Variants in TCN2 observed in about 807,000 individuals in gnomAD.
The protein encoded by TCN2 is transcobalamin-2.
TCN2 carries 34 observed loss-of-function variants against 48.6 expected under a neutral mutation model. That is an observed-to-expected ratio of 0.70 (90% CI 0.53 to 0.93). The LOEUF is 0.93. TCN2 is among the 40% of genes least tolerant of loss of function. TCN2 has a pLI of 0.00. For missense variants in TCN2, 652 were observed against 526.1 expected (o/e 1.24, Z -2.34); for synonymous variants, 283 against 212.5 (o/e 1.33, Z -2.89).
At position 30,617,394 on chromosome 22, in the gene TCN2, G is replaced by A. The variant is rs2087627762; in HGVS notation, c.1005G>A (p.Gln335=). The A allele has an allele frequency of 6.2e-6, 10 of 1,614,154 alleles. No homozygotes were observed. Among genetic ancestry groups the A allele is most frequent in the Non-Finnish European group, 8.5e-6 (10 of 1,180,030 alleles). Residue 335 remains glutamine (Q), a synonymous_variant, in exon 7 of 9, where the codon CAG becomes CAA. Transcript: ENST00000215838. ...AAGAGATCATCAGTGTCACGCTGCA[G>A]GTGCTTAGTCTCTTGCCGCCGTACA... ...QTQEIISVTL[Q]VLSLLPPYRQ... is the part of the protein sequence containing the mutation.
chr22:30,623,064 C>T lies in TCN2; in HGVS notation c.1203C>T (p.Pro401=). The part of the protein sequence containing the change: ...EREFWQLLRD[P]NTPLLQGIAD... ...AGTTCTGGCAGCTTCTCCGAGACCC[C>T]AACACCCCACTGTTGCAAGGTGAGT... Residue 401 remains proline, a synonymous_variant, in exon 8 of 9, where the codon CCC becomes CCT. Transcript: ENST00000215838. 6.2e-7 allele frequency: 1 copy of T among 1,613,988 alleles called. No individual in the cohort carries two copies.
Position 30,607,250 on chromosome 22 carries a change from C to A in TCN2, c.-82C>A. 7 of 1,452,038 alleles carry A rather than the reference C, an allele frequency of 4.8e-6. No individual in the cohort carries two copies. Among genetic ancestry groups the A allele is most frequent in the Non-Finnish European group, 5.8e-6 (6 of 1,033,032 alleles). The allele number at this position is 1,452,038 out of a possible 1,614,324, so 89.9% of individuals were successfully genotyped here. On this transcript the variant is annotated 5_prime_UTR_variant, in exon 1 of 9. The change creates a new upstream start codon in the 5' untranslated region. Coordinates refer to ENST00000215838, the MANE Select transcript of TCN2 (RefSeq NM_000355.4). Reference sequence around the variant, plus strand: ...CTGCGTCTCTCGGAGCGGTGACCAGCTGTGGTCAGGAGAGCCTCAGCAGGG... The same window carrying A: ...CTGCGTCTCTCGGAGCGGTGACCAGATGTGGTCAGGAGAGCCTCAGCAGGG...
intron 8 of TCN2, among the ~76,000 whole-genome samples, chr22:30,624,155 GC>G (rs2087769302): frequency 6.7e-6 from 1 of 149,678 alleles, no homozygotes; most frequent in Non-Finnish European, 1.5e-5. Context: ...GCTCACTGCA[GC>G]CTCTGCCTTC....
Position 30,626,727 on chromosome 22 carries a change from T to C in TCN2, c.*206T>C, listed in dbSNP as rs1021088704. The C allele has an allele frequency of 1.1e-5, 7 of 639,190 alleles. No homozygotes were observed. Among genetic ancestry groups the C allele is most frequent in the South Asian group, 1.8e-5 (1 of 54,238 alleles). 39.6% of individuals were successfully genotyped at this position (639,190 alleles called of 1,614,324 possible). A position where few individuals can be genotyped will look rare whatever the true frequency, so the allele number is the denominator to read the frequency against. ...GGAGCAGAGAGCCAAGCATCTTCCC[T>C]GGGAAGTCTTTCTGGCCAAGTCTGG... On this transcript the variant is annotated 3_prime_UTR_variant, in exon 9 of 9. Transcript: ENST00000215838.
chr22:30,623,247 G>GC lies in TCN2; in HGVS notation c.1222+164_1222+165insC, dbSNP rs138878342. The GC allele has an allele frequency of 0.4, 217,276 of 544,510 alleles. 43,243 individuals are homozygous for GC. The highest frequency in any genetic ancestry group is 0.44 in the Non-Finnish European group (138,891 of 316,386). 33.7% of individuals were successfully genotyped at this position (544,510 alleles called of 1,614,324 possible). A position where few individuals can be genotyped will look rare whatever the true frequency, so the allele number is the denominator to read the frequency against. ...TATAATATATTGAACTGAAGCCTTAGAATTTTTATGCAAGTTACTGTGGAA... is the reference window on the plus strand; with the variant it reads ...TATAATATATTGAACTGAAGCCTTAGCAATTTTTATGCAAGTTACTGTGGAA... On this transcript the variant is annotated intron_variant, in intron 8 of 8. Transcript: ENST00000215838.
At position 30,623,821 on chromosome 22, in the gene TCN2, C is replaced by CAT. The variant is rs1189547818; in HGVS notation, c.1222+740_1222+741dup. Among the ~76,000 whole-genome samples, 58 of 30,622 alleles carry CAT rather than the reference C, an allele frequency of 1.9e-3. 14 individuals are homozygous for CAT. The highest frequency in any genetic ancestry group is 6.3e-3 in the South Asian group (11 of 1,736). 20.1% of individuals were successfully genotyped at this position (30,622 alleles called of 152,430 possible). A position where few individuals can be genotyped will look rare whatever the true frequency, so the allele number is the denominator to read the frequency against. ...ACACACATACACATATATACACACA[C>CAT]ATACACACACATATACACACACATA... is the stretch of plus-strand genomic sequence containing the variant. On this transcript the variant is annotated intron_variant, in intron 8 of 8. Transcript: ENST00000215838.
rs1569046295 is a variant in TCN2, at chr22:30,623,751, T to TATATATACACAC, written c.1222+674_1222+675insACACACATATAT. 6.6e-4 allele frequency among the ~76,000 whole-genome samples: 54 copies of TATATATACACAC among 81,680 alleles called. 12 individuals are homozygous for TATATATACACAC. Among genetic ancestry groups the TATATATACACAC allele is most frequent in the South Asian group, 1.5e-3 (5 of 3,266 alleles). The allele number at this position is 81,680 out of a possible 152,430, so 53.6% of individuals were successfully genotyped here. A position where few individuals can be genotyped will look rare whatever the true frequency, so the allele number is the denominator to read the frequency against. ...ATATGTATACATATATATACACACA[T>TATATATACACAC]ATATATGTATATATATATACACACA... On this transcript the variant is annotated intron_variant, in intron 8 of 8. Transcript: ENST00000215838.
rs1228315231 is a variant in TCN2 at position 30,626,950 on chromosome 22, T to TTA, written c.*430_*431dup. 3 of 285,386 alleles carry TTA rather than the reference T, an allele frequency of 1.1e-5. No homozygotes were observed. Among genetic ancestry groups the TTA allele is most frequent in the Non-Finnish European group, 2.1e-5 (3 of 144,818 alleles). 17.7% of individuals were successfully genotyped at this position (285,386 alleles called of 1,614,324 possible). On this transcript the variant is annotated 3_prime_UTR_variant, in exon 9 of 9. Transcript: ENST00000215838. Reference sequence around the variant, plus strand: ...CTGACCCCAGCTCTCCACTCTGCTGTTAGAGTGGCAGCTCCGAGCTGGTTG... The same window carrying TTA: ...CTGACCCCAGCTCTCCACTCTGCTGTTATAGAGTGGCAGCTCCGAGCTGGTTG...
At chr22:30,626,435 C>T (rs775057364) in intron 8 of TCN2, 25 bp from the exon 9 acceptor site, 60 of 1,613,866 alleles carry the variant, frequency 3.7e-5, no homozygotes, top group Non-Finnish European at 4.8e-5. Context: ...CAATTCGCCC[C>T]TCCTTGCTCA....
chr22:30,613,933 A>G (rs906780119), intron 3 of TCN2, among the ~76,000 whole-genome samples: 1 of 151,766 alleles, frequency 6.6e-6, no homozygotes, highest in Non-Finnish European at 1.5e-5. Context: ...GGCTCCCTCC[A>G]TCTGGACTGG....
At chr22:30,624,406 A>G (rs1198275599) in intron 8 of TCN2, among the ~76,000 whole-genome samples, 2 of 151,634 alleles carry the variant, frequency 1.3e-5, no homozygotes, top group Non-Finnish European at 2.9e-5. Context: ...ATCTGTTCCT[A>G]CTCTTGTTAT....
At chr22:30,617,235 A>G in intron 6 of TCN2, 95 bp from the exon 7 acceptor site, 1 of 1,558,542 alleles carries the variant, frequency 6.4e-7, no homozygotes, top group Admixed American at 1.8e-5. Context: ...ATGGGGAAGG[A>G]CAAAGTCCAG....
chr22:30,625,681 C>T (rs1441754193), intron 8 of TCN2, among the ~76,000 whole-genome samples: 1 of 152,112 alleles, frequency 6.6e-6, no homozygotes, highest in Non-Finnish European at 1.5e-5. Flanking sequence ...ATAGGCTGGT[C>T]TCGAACTTCT....
At chr22:30,615,161 A>G (rs2087593423) in intron 4 of TCN2, 140 bp from the exon 5 acceptor site, 2 of 848,650 alleles carry the variant, frequency 2.4e-6, no homozygotes, top group Non-Finnish European at 3.9e-6. Context: ...TGGTGCCCTT[A>G]GCTGATCTGA....
chr22:30,620,426 T>C (rs943374845), intron 7 of TCN2, among the ~76,000 whole-genome samples: 1 of 152,258 alleles, frequency 6.6e-6, no homozygotes, highest in Non-Finnish European at 1.5e-5. Context: ...GCCTGCACTT[T>C]AGCACCTCCC....
At chr22:30,614,527 C>T (rs1489097909) in intron 4 of TCN2, 26 bp downstream of exon 4, 1 of 1,613,704 alleles carries the variant, frequency 6.2e-7, no homozygotes, top group Non-Finnish European at 8.5e-7. Flanking sequence ...CGTGCCAAGG[C>T]CAGGCTGGCA....
At chr22:30,625,043 CCT>C (rs2087784155) in intron 8 of TCN2, among the ~76,000 whole-genome samples, 1 of 152,070 alleles carries the variant, frequency 6.6e-6, no homozygotes, top group Admixed American at 6.6e-5. Flanking sequence ...ATGGTGAAAC[CCT>C]GTCTCTACTA....
intron 8 of TCN2, among the ~76,000 whole-genome samples, chr22:30,623,658 T>C (rs1251662079): frequency 6.6e-6 from 1 of 150,542 alleles, no homozygotes; most frequent in Non-Finnish European, 1.5e-5. Flanking sequence ...TGCCCACATG[T>C]ATAACTTAAA....
intron 7 of TCN2, among the ~76,000 whole-genome samples, chr22:30,618,421 G>A (rs991080626): frequency 8.0e-5 from 12 of 150,228 alleles, no homozygotes; most frequent in African/African-American, 2.5e-4. Context: ...GCGCAATCTC[G>A]GCTCACTGCA....
Sources: allele counts gnomAD v4.1 joint callset (sites outside exome capture counted in the v4.1 genomes callset), GRCh38; gene constraint gnomAD v4.1.1; transcripts MANE v1.5; gene names NCBI Gene and HGNC (gene_info 2026-07-23, HGNC 2026-07-21).